The following POU2F3 variants were observed in gnomAD, a reference collection of about 807,000 sequenced individuals.
POU2F3 encodes POU domain, class 2, transcription factor 3.
A neutral mutation model predicts 59.2 loss-of-function variants in POU2F3; 23 were observed. That is an observed-to-expected ratio of 0.39 (90% CI 0.28 to 0.55). POU2F3 has a LOEUF of 0.55. Among genes scored for constraint, POU2F3 ranks in the 20% least tolerant of loss-of-function variants. The probability of loss-of-function intolerance (pLI) is 0.66; values close to 1 mark genes in which losing one functional copy is unlikely to be tolerated. For synonymous variants in POU2F3, 190 were observed against 214.6 expected, an observed-to-expected ratio of 0.89 and a Z score of 1.00; for missense variants, 473 against 544.5, an observed-to-expected ratio of 0.87 and a Z score of 1.31.
At chr11:120,309,167 ACATTTTCT>A (rs1941586876) in intron 9 of POU2F3, among the ~76,000 whole-genome samples, 1 of 152,014 alleles carries the variant, frequency 6.6e-6, no homozygotes, top group Non-Finnish European at 1.5e-5. Context: ...CAGTTTACAC[ACATTTTCT>A]CATTTAATTC....
intron 1 of POU2F3, among the ~76,000 whole-genome samples, chr11:120,244,150 TTC>T (rs918293078): frequency 1.3e-5 from 2 of 152,232 alleles, no homozygotes; most frequent in African/African-American, 4.8e-5. Context: ...TCTTAACTTT[TTC>T]CTGTCCTCAT....
At chr11:120,248,396 G>T (rs560981561) in intron 2 of POU2F3, among the ~76,000 whole-genome samples, 2 of 152,354 alleles carry the variant, frequency 1.3e-5, no homozygotes, top group Admixed American at 6.5e-5. Flanking sequence ...GCCCAACTTA[G>T]AGAGTGGGTT....
At chr11:120,293,677 T>C (rs992268002) in intron 3 of POU2F3, among the ~76,000 whole-genome samples, 11 of 152,108 alleles carry the variant, frequency 7.2e-5, no homozygotes, top group Non-Finnish European at 1.5e-4. Flanking sequence ...TATTCATTAG[T>C]GTTGAGCTGT....
intron 2 of POU2F3, among the ~76,000 whole-genome samples, chr11:120,260,324 G>A (rs993762561): frequency 1.3e-5 from 2 of 152,202 alleles, no homozygotes; most frequent in South Asian, 2.1e-4. Flanking sequence ...CCTCCTAGGG[G>A]CCCCACGCCT....
intron 5 of POU2F3, 35 bp downstream of exon 5, chr11:120,299,761 C>T: frequency 6.4e-7 from 1 of 1,564,752 alleles, no homozygotes; most frequent in Admixed American, 1.7e-5. Context: ...TAGACCAAGT[C>T]CAGTCAAGTG....
At chr11:120,287,246 T>C (rs1940815895) in intron 3 of POU2F3, among the ~76,000 whole-genome samples, 1 of 152,196 alleles carries the variant, frequency 6.6e-6, no homozygotes, top group African/African-American at 2.4e-5. Context: ...CTTAGCTATA[T>C]GGCCTTTGGG....
chr11:120,294,127 G>A (rs1242629462), intron 3 of POU2F3, among the ~76,000 whole-genome samples: 2 of 152,222 alleles, frequency 1.3e-5, no homozygotes, highest in Non-Finnish European at 2.9e-5. Context: ...ACTGCTTTCT[G>A]AAGTAAGTGA....
chr11:120,303,617 G>A (rs1006080298), intron 6 of POU2F3: 8 of 152,100 alleles, frequency 5.3e-5, no homozygotes, highest in Non-Finnish European at 7.3e-5. Context: ...AGAGGACTGG[G>A]GCTTTGTCCT....
chr11:120,306,519 T>G (rs1941494545), intron 8 of POU2F3, among the ~76,000 whole-genome samples: 1 of 152,166 alleles, frequency 6.6e-6, no homozygotes, highest in African/African-American at 2.4e-5. Flanking sequence ...CCCTACCTAC[T>G]AGTTGCCAGT....
chr11:120,255,317 C>G (rs1939290084), intron 2 of POU2F3, among the ~76,000 whole-genome samples: 1 of 152,162 alleles, frequency 6.6e-6, no homozygotes, highest in Non-Finnish European at 1.5e-5. Flanking sequence ...GGCTTGCCTT[C>G]CCTTCAGCTG....
At position 120,299,644 on chromosome 11, in the gene POU2F3, G is replaced by T. The variant is rs778742308; in HGVS notation, c.279G>T (p.Pro93=). The change falls in exon 5 of 13, where the codon CCG becomes CCT. Residue 93 remains proline (P), a synonymous_variant. Coordinates refer to ENST00000543440, the MANE Select transcript of POU2F3 (RefSeq NM_014352.4). ...TGTAGGACATGGCTTCCCTCCATCC[G>T]CTCCAGCAGCTTGTGCTGGTTCCCG... The part of the protein sequence containing the change: ...SPCQDMASLH[P]LQQLVLVPGH... The T allele has an allele frequency of 6.2e-6, 10 of 1,613,528 alleles. No individual in the cohort carries two copies. Among genetic ancestry groups the T allele is most frequent in the South Asian group, 2.2e-5 (2 of 91,048 alleles).
intron 10 of POU2F3, among the ~76,000 whole-genome samples, chr11:120,313,635 G>A (rs371269007): frequency 2.0e-5 from 3 of 152,322 alleles, no homozygotes; most frequent in South Asian, 4.1e-4. Context: ...GGGGAACCAC[G>A]TATATGTCTG....
intron 3 of POU2F3, among the ~76,000 whole-genome samples, chr11:120,295,017 G>T (rs753481708): frequency 2.8e-4 from 42 of 152,058 alleles, no homozygotes; most frequent in Middle Eastern, 3.4e-3. Flanking sequence ...TAATGCAGAG[G>T]GTTGTCAGAA....
chr11:120,249,431 G>A (rs1207845170), intron 2 of POU2F3, among the ~76,000 whole-genome samples: 6 of 152,082 alleles, frequency 3.9e-5, no homozygotes, highest in Non-Finnish European at 5.9e-5. Context: ...CTGCAGCCTC[G>A]AACTCCTGGC....
chr11:120,302,054 G>A (rs1941363013), intron 5 of POU2F3: 2 of 500,814 alleles, frequency 4.0e-6, no homozygotes, highest in Non-Finnish European at 7.1e-6. Flanking sequence ...GACTGGTTTG[G>A]GGACTGCTGT....
intron 3 of POU2F3, among the ~76,000 whole-genome samples, chr11:120,278,399 G>C (rs1940423751): frequency 1.3e-5 from 2 of 152,168 alleles, no homozygotes; most frequent in South Asian, 4.1e-4. Flanking sequence ...GGGTAGCTGT[G>C]ATCCCCAGTG....
intron 3 of POU2F3, among the ~76,000 whole-genome samples, chr11:120,284,110 C>T (rs1045883176): frequency 2.0e-5 from 3 of 151,930 alleles, no homozygotes; most frequent in Admixed American, 6.6e-5. Flanking sequence ...ACCTGGGAGG[C>T]GGAGATTGCA....
rs1941536387 is a variant in POU2F3, at chr11:120,307,680, C to T, written c.906+65C>T. 34 of 1,593,066 alleles carry T rather than the reference C, an allele frequency of 2.1e-5. 1 individual carries two copies. The South Asian group carries it at 3.6e-4, about 17-fold the overall frequency. On this transcript the variant is annotated intron_variant, in intron 9 of 12. Transcript: ENST00000543440. ...ACACAGGTAGGGAGAGCAGACACGG[C>T]CCAGGCCCCTTGGCACCAGCCCCTC... is the stretch of plus-strand genomic sequence containing the variant.
At chr11:120,286,398 C>T (rs1238310858) in intron 3 of POU2F3, among the ~76,000 whole-genome samples, 2 of 152,190 alleles carry the variant, frequency 1.3e-5, no homozygotes, top group Non-Finnish European at 2.9e-5. Context: ...CAGGTGAGAT[C>T]CAGGCGGGCC....
Sources: allele counts gnomAD v4.1 joint callset (sites outside exome capture counted in the v4.1 genomes callset), GRCh38; gene constraint gnomAD v4.1.1; transcripts MANE v1.5; gene names NCBI Gene and HGNC (gene_info 2026-07-23, HGNC 2026-07-21).